PHC3: variants seen among roughly 807,000 people sequenced by gnomAD.
The protein encoded by PHC3 is polyhomeotic homolog 3.
A neutral mutation model predicts 107.4 loss-of-function variants in PHC3; 13 were observed. The ratio of observed to expected loss-of-function variants is 0.12; its 90% CI spans 0.08 to 0.19. The LOEUF (loss-of-function observed/expected upper bound fraction) is 0.19. Ranked by LOEUF, PHC3 falls within the 10% of genes least tolerant of loss-of-function variation. The pLI is 1.00. For synonymous variants in PHC3, 456 were observed against 427.4 expected (o/e 1.07, Z -0.83); for missense variants, 992 against 1,210.9 (o/e 0.82, Z 2.68).
chr3:170,105,288 T>C (rs1334631679), intron 12 of PHC3, among the ~76,000 whole-genome samples: 2 of 152,218 alleles, frequency 1.3e-5, no homozygotes, highest in East Asian at 3.8e-4. Flanking sequence ...AGTTAAAACA[T>C]GAGTTACATA....
intron 1 of PHC3, 57 bp from the exon 2 acceptor site, chr3:170,178,995 A>G: frequency 6.9e-7 from 1 of 1,455,802 alleles, no homozygotes. Flanking sequence ...TGAGCTTTAA[A>G]GAATATTCAT....
intron 10 of PHC3, among the ~76,000 whole-genome samples, chr3:170,115,417 T>TATATGTACATATATACAATAC (rs1239488580): frequency 2.0e-5 from 3 of 152,160 alleles, no homozygotes; most frequent in South Asian, 2.1e-4. Flanking sequence ...CCACAGTATG[T>TATATGTACATATATACAATAC]ATATGTACAT....
At chr3:170,120,639 C>G (rs1336139852) in intron 9 of PHC3, among the ~76,000 whole-genome samples, 1 of 151,896 alleles carries the variant, frequency 6.6e-6, no homozygotes, top group Admixed American at 6.6e-5. Flanking sequence ...CTGTTTTCTA[C>G]TTTTCAGGAG....
intron 4 of PHC3, among the ~76,000 whole-genome samples, chr3:170,167,086 T>C (rs910158407): frequency 2.6e-5 from 4 of 152,254 alleles, no homozygotes; most frequent in African/African-American, 9.6e-5. Flanking sequence ...ACAGGTATTG[T>C]GTAAACGTTT....
chr3:170,165,084 T>C (rs1728509173), intron 4 of PHC3, among the ~76,000 whole-genome samples: 1 of 152,192 alleles, frequency 6.6e-6, no homozygotes, highest in Admixed American at 6.5e-5. Flanking sequence ...GGTACTCCTA[T>C]TCCTTCTAGA....
At chr3:170,113,646 T>G in intron 10 of PHC3, 127 bp from the exon 11 acceptor site, 1 of 830,342 alleles carries the variant, frequency 1.2e-6, no homozygotes, top group Non-Finnish European at 1.8e-6. Context: ...ATCAGATCCA[T>G]TTAGTAAGTG....
At chr3:170,156,731 G>A (rs1726962838) in intron 4 of PHC3, among the ~76,000 whole-genome samples, 3 of 151,976 alleles carry the variant, frequency 2.0e-5, no homozygotes, top group Admixed American at 1.3e-4. Flanking sequence ...CTGAGTAGCT[G>A]GGATTACAGG....
intron 4 of PHC3, among the ~76,000 whole-genome samples, chr3:170,157,933 A>T (rs1727146588): frequency 6.6e-6 from 1 of 151,848 alleles, no homozygotes; most frequent in African/African-American, 2.4e-5. Flanking sequence ...AAGACAGAAA[A>T]ATTAAAACCA....
At chr3:170,178,996 G>T in intron 1 of PHC3, 58 bp from the exon 2 acceptor site, 1 of 1,449,332 alleles carries the variant, frequency 6.9e-7, no homozygotes, top group Non-Finnish European at 9.5e-7. Context: ...GAGCTTTAAA[G>T]AATATTCATT....
At position 170,113,389 on chromosome 3, in the gene PHC3, T is replaced by C; in HGVS notation, c.2324A>G (p.Asp775Gly). Residue 775 changes from aspartate to glycine, a missense_variant, in exon 11 of 15, where the codon GAC becomes GGC. Asp to Gly is a moderately conservative substitution (Grantham distance 94). This residue lies in a region of PHC3 where 228 missense variants were observed against 288.8 expected (regional missense o/e 0.79). Coordinates refer to ENST00000495893, the MANE Select transcript of PHC3 (RefSeq NM_024947.4). ...NNTKHADNSS[D>G]TEMEDMIAEE... ...AGCAATCATGTCTTCCATCTCTGTG[T>C]CAGATGAATTATCCGCATGTTTTGT... 1.9e-6 allele frequency: 3 copies of C among 1,610,490 alleles called. No individual in the cohort carries two copies. Among genetic ancestry groups the C allele is most frequent in the Non-Finnish European group, 2.5e-6 (3 of 1,178,558 alleles).
chr3:170,175,635 AAG>A (rs1491124531), intron 2 of PHC3, among the ~76,000 whole-genome samples: 1 of 150,836 alleles, frequency 6.6e-6, no homozygotes, highest in Non-Finnish European at 1.5e-5. Context: ...AAAAAAAAAA[AAG>A]GGGGGGGCCA....
At chr3:170,155,916 T>C (rs1332201190) in intron 4 of PHC3, among the ~76,000 whole-genome samples, 1 of 152,202 alleles carries the variant, frequency 6.6e-6, no homozygotes, top group Non-Finnish European at 1.5e-5. Context: ...TTACTTTTTT[T>C]AAAGTTTTTA....
chr3:170,142,312 A>G (rs1724238343), intron 6 of PHC3, among the ~76,000 whole-genome samples: 1 of 152,322 alleles, frequency 6.6e-6, no homozygotes, highest in South Asian at 2.1e-4. Context: ...AAAATGGTAG[A>G]GCAAGTATTT....
intron 12 of PHC3, among the ~76,000 whole-genome samples, chr3:170,105,350 G>A (rs142527335): frequency 6.6e-6 from 1 of 152,156 alleles, no homozygotes; most frequent in African/African-American, 2.4e-5. Flanking sequence ...AAAACAGATT[G>A]ACAACCAAAA....
At chr3:170,106,707 T>A in intron 12 of PHC3, 125 bp downstream of exon 12, 1 of 518,166 alleles carries the variant, frequency 1.9e-6, no homozygotes, top group African/African-American at 1.9e-5. Context: ...AATATCTAGG[T>A]TTCTTCTATA....
chr3:170,134,817 CAAG>C (rs1262513804), intron 7 of PHC3, among the ~76,000 whole-genome samples: 1 of 152,160 alleles, frequency 6.6e-6, no homozygotes, highest in Non-Finnish European at 1.5e-5. Flanking sequence ...ATCTTACCCT[CAAG>C]GAGCTTACTA....
intron 7 of PHC3, among the ~76,000 whole-genome samples, chr3:170,133,290 T>C (rs1722552421): frequency 6.6e-6 from 1 of 152,066 alleles, no homozygotes; most frequent in Non-Finnish European, 1.5e-5. Context: ...GCGATTCTCC[T>C]GCCTCAGCCT....
chr3:170,127,077 C>T (rs1035345996), intron 8 of PHC3, among the ~76,000 whole-genome samples: 4 of 151,904 alleles, frequency 2.6e-5, no homozygotes, highest in African/African-American at 4.8e-5. Flanking sequence ...AGGTGCTGTA[C>T]GCTTCCTATA....
chr3:170,137,739 A>G (rs1723333728), intron 6 of PHC3, among the ~76,000 whole-genome samples: 1 of 152,236 alleles, frequency 6.6e-6, no homozygotes, highest in Admixed American at 6.5e-5. Flanking sequence ...TCTCTACTAA[A>G]GATACAAAAA....
Sources: allele counts gnomAD v4.1 joint callset (sites outside exome capture counted in the v4.1 genomes callset), GRCh38; gene constraint gnomAD v4.1.1; regional missense constraint gnomAD v4.1.1; transcripts MANE v1.5; gene names NCBI Gene and HGNC (gene_info 2026-07-23, HGNC 2026-07-21).